The following HPS3 variants were observed in gnomAD, a reference collection of about 807,000 sequenced individuals.
HPS3 encodes BLOC-2 complex member HPS3.
In HPS3, 79 loss-of-function variants were observed where a neutral mutation model predicts 110.9. The ratio of observed to expected loss-of-function variants is 0.71; its 90% CI spans 0.59 to 0.86. The LOEUF is 0.86. Ranked by LOEUF, HPS3 falls within the 40% of genes least tolerant of loss-of-function variation. HPS3 has a pLI of 0.00. For synonymous variants in HPS3, 428 were observed against 451.0 expected (o/e 0.95, Z 0.65); for missense variants, 1,197 against 1,206.2 (o/e 0.99, Z 0.11).
chr3:149,158,654 C>G lies in HPS3; in HGVS notation c.1692-12C>G, dbSNP rs373528935. On this transcript the variant is annotated splice_polypyrimidine_tract_variant and intron_variant, in intron 9 of 16. Coordinates refer to ENST00000296051, the MANE Select transcript of HPS3 (RefSeq NM_032383.5). ...GTGACAAATTTGAGGTTTTTCATTT[C>G]CTTCCCTTTAGGCTTGACTCCCAGC... 1.9e-6 allele frequency: 3 copies of G among 1,612,394 alleles called. No individual in the cohort carries two copies. In the African/African-American group the frequency reaches 4.0e-5, roughly 22 times the overall value.
At chr3:149,147,398 T>C (rs1441215018) in intron 5 of HPS3, among the ~76,000 whole-genome samples, 2 of 152,162 alleles carry the variant, frequency 1.3e-5, no homozygotes, top group African/African-American at 2.4e-5. Flanking sequence ...AATTAAACTC[T>C]GGTGAAGGTC....
intron 14 of HPS3, 53 bp downstream of exon 14, chr3:149,164,002 A>C: frequency 1.1e-6 from 1 of 947,578 alleles, no homozygotes; most frequent in Non-Finnish European, 1.7e-6. Flanking sequence ...AATATAGTGT[A>C]AGATTAAATT....
intron 4 of HPS3, among the ~76,000 whole-genome samples, chr3:149,142,334 C>A (rs956095968): frequency 2.0e-5 from 3 of 152,166 alleles, no homozygotes; most frequent in African/African-American, 7.2e-5. Context: ...TTTGGCCAAG[C>A]TTCTTATGAT....
At chr3:149,162,596 G>A (rs777852886) in intron 12 of HPS3, 94 bp from the exon 13 acceptor site, 45 of 1,300,054 alleles carry the variant, frequency 3.5e-5, no homozygotes, top group East Asian at 6.9e-5. Flanking sequence ...TATTGATTGC[G>A]TGGCCCATGT....
At chr3:149,160,352 C>T in intron 11 of HPS3, 73 bp downstream of exon 11, 1 of 981,666 alleles carries the variant, frequency 1.0e-6, no homozygotes. Context: ...TAGCTGTCTT[C>T]TGGCTTCTTT....
chr3:149,147,719 G>C (rs182068618), intron 5 of HPS3, among the ~76,000 whole-genome samples: 2 of 152,144 alleles, frequency 1.3e-5, no homozygotes, highest in Non-Finnish European at 2.9e-5. Context: ...CTTGTAATGC[G>C]TGGGTTTTGA....
At chr3:149,171,776 C>T (rs1394072041) in intron 16 of HPS3, among the ~76,000 whole-genome samples, 1 of 141,398 alleles carries the variant, frequency 7.1e-6, no homozygotes. Flanking sequence ...GCAATCTCAA[C>T]TCACTGCAAC....
rs1418860766 is a variant in HPS3, at chr3:149,173,480, C to G, written c.*1258C>G. ...GGTGATATCATTAGACTGTATGAATCAGTTTTATTACCTAGTGTACAAGTG... is the reference window on the plus strand; with the variant it reads ...GGTGATATCATTAGACTGTATGAATGAGTTTTATTACCTAGTGTACAAGTG... On this transcript the variant is annotated 3_prime_UTR_variant, in exon 17 of 17. Transcript: ENST00000296051. 8.3e-6 allele frequency: 3 copies of G among 362,134 alleles called. No homozygotes were observed. The highest frequency in any genetic ancestry group is 2.1e-5 in the African/African-American group (1 of 46,960). The allele number at this position is 362,134 out of a possible 1,614,324, so 22.4% of individuals were successfully genotyped here.
rs1723354193 is a variant in HPS3 at position 149,155,011 on chromosome 3, G to A, written c.1401-96G>A. On this transcript the variant is annotated intron_variant, in intron 7 of 16. Coordinates refer to ENST00000296051, the MANE Select transcript of HPS3 (RefSeq NM_032383.5). The stretch of plus-strand genomic sequence containing the variant: ...ACTGAGGAAAATAGTAAATGAAAAT[G>A]ATTTTATAGTTATTTTATATCCAAT... 18 of 752,060 alleles carry A rather than the reference G, an allele frequency of 2.4e-5. No homozygotes were observed. The South Asian group carries it at 2.6e-4, about 11-fold the overall frequency. 46.6% of individuals were successfully genotyped at this position (752,060 alleles called of 1,614,324 possible).
chr3:149,141,152 AAAG>A lies in HPS3; in HGVS notation c.851_853del (p.Arg284del). The A allele has an allele frequency of 6.2e-7, 1 of 1,614,010 alleles. No homozygotes were observed. On this transcript the variant is annotated inframe_deletion, in exon 3 of 17. Transcript: ENST00000296051. ...GAGTCTACGGGATTAGCTGATGAAA[AAAG>A]AAAATATTCCCACTTTCAGCACCTG... is the stretch of plus-strand genomic sequence containing the variant.
At chr3:149,145,652 A>C in intron 5 of HPS3, 106 bp downstream of exon 5, 1 of 872,986 alleles carries the variant, frequency 1.1e-6, no homozygotes, top group Non-Finnish European at 2.0e-6. Context: ...GAGTACTATA[A>C]ATGCATGAGT....
At chr3:149,155,055 C>G (rs560149911) in intron 7 of HPS3, 52 bp from the exon 8 acceptor site, 40 of 905,836 alleles carry the variant, frequency 4.4e-5, no homozygotes, top group Non-Finnish European at 7.1e-5. Flanking sequence ...TTTACAACTA[C>G]CATTTATTAA....
intron 6 of HPS3, among the ~76,000 whole-genome samples, chr3:149,153,105 A>C (rs1201776552): frequency 6.6e-6 from 1 of 152,220 alleles, no homozygotes; most frequent in Non-Finnish European, 1.5e-5. Context: ...GCGTACCCCC[A>C]ACCATCCTGC....
chr3:149,145,002 A>G (rs1299544575), intron 4 of HPS3, among the ~76,000 whole-genome samples: 1 of 152,154 alleles, frequency 6.6e-6, no homozygotes, highest in Non-Finnish European at 1.5e-5. Context: ...ACATATTTCT[A>G]TCAACATTGC....
Position 149,145,500 on chromosome 3 carries a change from T to C in HPS3, c.1117T>C (p.Ser373Pro). 1 of 1,614,096 alleles carries C rather than the reference T, an allele frequency of 6.2e-7. No homozygotes were observed. The highest frequency in any genetic ancestry group is 8.5e-7 in the Non-Finnish European group (1 of 1,179,974). ...LMSVYQYPEK[S>P]QQAVLTPQFL... is the part of the protein sequence containing the mutation. ...GTCAGTCTACCAGTATCCTGAAAAG[T>C]CTCAGCAGGCAGTACTCACGCCACA... Residue 373 changes from serine (S) to proline (P), a missense_variant, in exon 5 of 17, where the codon TCT becomes CCT. Physicochemically the swap from Ser to Pro is moderately conservative, Grantham distance 74. Coordinates refer to ENST00000296051, the MANE Select transcript of HPS3 (RefSeq NM_032383.5).
chr3:149,155,645 G>C (rs1040595818), intron 8 of HPS3, among the ~76,000 whole-genome samples: 1 of 152,142 alleles, frequency 6.6e-6, no homozygotes, highest in Non-Finnish European at 1.5e-5. Flanking sequence ...CATTGTCCTG[G>C]GGGGAGGGAC....
chr3:149,160,372 A>G lies in HPS3; in HGVS notation c.2106+93A>G. 3 of 836,378 alleles carry G rather than the reference A, an allele frequency of 3.6e-6. No homozygotes were observed. In the Admixed American group the frequency reaches 5.9e-5, roughly 16 times the overall value. The allele number at this position is 836,378 out of a possible 1,614,324, so 51.8% of individuals were successfully genotyped here. A position where few individuals can be genotyped will look rare whatever the true frequency, so the allele number is the denominator to read the frequency against. ...GTCTTCTGGCTTCTTTCTAGCTTAT[A>G]TATTCTTGGTTGTAATGGAAAACAG... On this transcript the variant is annotated intron_variant, in intron 11 of 16. Transcript: ENST00000296051.
At position 149,135,530 on chromosome 3, in the gene HPS3, T is replaced by C. The variant is rs143930876; in HGVS notation, c.218-4474T>C. Among the ~76,000 whole-genome samples the C allele has an allele frequency of 3.9e-3, 600 of 152,290 alleles. 9 individuals are homozygous for C. Among genetic ancestry groups the C allele is most frequent in the African/African-American group, 0.014 (574 of 41,564 alleles). On this transcript the variant is annotated intron_variant, in intron 1 of 16. Coordinates refer to ENST00000296051, the MANE Select transcript of HPS3 (RefSeq NM_032383.5). ...CCCTGTGAAGAGGTGCCTTCCACCA[T>C]GATTATAAGTTTTCTGAGGTCCCCC...
chr3:149,136,042 T>C (rs1722071307), intron 1 of HPS3, among the ~76,000 whole-genome samples: 1 of 152,168 alleles, frequency 6.6e-6, no homozygotes. Flanking sequence ...AGTTTACTTA[T>C]TTTTAAAAAT....
Sources: allele counts gnomAD v4.1 joint callset (sites outside exome capture counted in the v4.1 genomes callset), GRCh38; gene constraint gnomAD v4.1.1; transcripts MANE v1.5; gene names NCBI Gene and HGNC (gene_info 2026-07-23, HGNC 2026-07-21).